The following AHCY variants were observed in gnomAD, a reference collection of about 807,000 sequenced individuals.
AHCY encodes S-adenosyl-L-homocysteine hydrolase.
AHCY carries 24 observed loss-of-function variants against 45.4 expected under a neutral mutation model. That is an observed-to-expected ratio of 0.53 (90% CI 0.38 to 0.74). AHCY has a LOEUF of 0.74. Ranked by LOEUF, AHCY falls within the 30% of genes least tolerant of loss-of-function variation. The pLI is 0.00. For missense variants in AHCY, 449 were observed against 594.1 expected (o/e 0.76, Z 2.54); for synonymous variants, 245 against 235.1 (o/e 1.04, Z -0.39).
chr20:34,263,660 T>C, the AHCY span, among the ~76,000 whole-genome samples: 1 of 147,142 alleles, frequency 6.8e-6, no homozygotes, highest in South Asian at 2.2e-4. Flanking sequence ...TTATTTTATG[T>C]CTTTTTTTTT....
At chr20:34,285,935 C>A in intron 8 of AHCY, 1 of 364,760 alleles carries the variant, frequency 2.7e-6, no homozygotes, top group Non-Finnish European at 5.2e-6. Flanking sequence ...CCCGTCTCTA[C>A]TAAAAAAAAA....
intron 8 of AHCY, 84 bp from the exon 9 acceptor site, chr20:34,285,718 C>A (rs2036158609): frequency 6.8e-7 from 1 of 1,478,922 alleles, no homozygotes; most frequent in Admixed American, 1.8e-5. Flanking sequence ...CTCTCTGCCT[C>A]CAACAGTGCC....
At chr20:34,261,463 G>A in the AHCY span, among the ~76,000 whole-genome samples, 66 of 152,148 alleles carry the variant, frequency 4.3e-4, 1 homozygote, top group African/African-American at 7.0e-4. Context: ...GTGAAACCCC[G>A]TCCCTATTAA....
chr20:34,273,412 C>G, the AHCY span, among the ~76,000 whole-genome samples: 1 of 152,282 alleles, frequency 6.6e-6, no homozygotes, highest in South Asian at 2.1e-4. Context: ...TCAAAAGTGA[C>G]TTGTTCAGGC....
At chr20:34,294,297 G>T in intron 2 of AHCY, 141 bp from the exon 3 acceptor site, 1 of 814,014 alleles carries the variant, frequency 1.2e-6, no homozygotes. Context: ...TCACAGGCTG[G>T]GGATGCTGGG....
chr20:34,251,275 C>CTT, the AHCY span, among the ~76,000 whole-genome samples: 339 of 146,732 alleles, frequency 2.3e-3, 6 homozygotes, highest in African/African-American at 8.0e-3. Flanking sequence ...CTCTGTGTAA[C>CTT]TTTTTTTTTT....
At chr20:34,242,595 C>T in the AHCY span, among the ~76,000 whole-genome samples, 1 of 152,232 alleles carries the variant, frequency 6.6e-6, no homozygotes, top group African/African-American at 2.4e-5. Flanking sequence ...AAAAAACAAA[C>T]AAACAACAAA....
chr20:34,235,557 A>G, the AHCY span, among the ~76,000 whole-genome samples: 1 of 152,148 alleles, frequency 6.6e-6, no homozygotes, highest in Non-Finnish European at 1.5e-5. Flanking sequence ...AAGACCAGGC[A>G]ACAGAAGTAT....
At chr20:34,254,034 G>C in the AHCY span, among the ~76,000 whole-genome samples, 2 of 152,046 alleles carry the variant, frequency 1.3e-5, no homozygotes, top group African/African-American at 4.8e-5. Flanking sequence ...ATTGCTGTCA[G>C]CATTATTGTC....
chr20:34,290,877 G>A lies in AHCY; in HGVS notation c.620C>T (p.Thr207Ile), dbSNP rs1213046270. ...TACCTTGCCGGCAATCATCACATCT[G>A]TGGCCCGCTTGATGCCATCTATGAG... The part of the protein sequence containing the change: ...ESLIDGIKRA[T>I]DVMIAGKVAV... The change falls in exon 6 of 10, where the codon ACA becomes ATA. Residue 207 changes from threonine (T) to isoleucine (I), a missense_variant. By Grantham distance (89) the Thr-to-Ile change is moderately conservative. Coordinates refer to ENST00000217426, the MANE Select transcript of AHCY (RefSeq NM_000687.4). The surrounding 1 kb of genome is among the most constrained non-coding windows in gnomAD (Gnocchi z 4.5). 6.2e-7 allele frequency: 1 copy of A among 1,614,150 alleles called. No individual in the cohort carries two copies. The highest frequency in any genetic ancestry group is 1.1e-5 in the South Asian group (1 of 91,076).
At chr20:34,278,155 G>C (rs2035924980), downstream of AHCY, among the ~76,000 whole-genome samples, 1 of 152,208 alleles carries the variant, frequency 6.6e-6, no homozygotes, top group Non-Finnish European at 1.5e-5. Context: ...TCACACATGT[G>C]ACAGATTAGC....
At chr20:34,293,171 C>A (rs2036458005) in intron 3 of AHCY, among the ~76,000 whole-genome samples, 1 of 152,148 alleles carries the variant, frequency 6.6e-6, no homozygotes, top group African/African-American at 2.4e-5. Context: ...ATTATCATCA[C>A]TTACAGATGC....
chr20:34,304,597 G>A (rs146187778), upstream of AHCY, among the ~76,000 whole-genome samples: 2,710 of 150,914 alleles, frequency 0.018, 92 homozygotes, highest in African/African-American at 0.063. Flanking sequence ...TAGGCTCGCT[G>A]CAACCTCCAC....
At chr20:34,241,360 A>C in the AHCY span, 1 of 767,564 alleles carries the variant, frequency 1.3e-6, no homozygotes, top group African/African-American at 1.9e-5. Context: ...GAAGTTTGAA[A>C]TAATTTTGTA....
the AHCY span, among the ~76,000 whole-genome samples, chr20:34,253,397 C>T: frequency 8.6e-5 from 13 of 151,410 alleles, no homozygotes; most frequent in East Asian, 1.2e-3. Flanking sequence ...TGAGCCACCG[C>T]GCCCAGCCTG....
chr20:34,257,064 C>CTCTTTTTTTTTTTTT, the AHCY span, among the ~76,000 whole-genome samples: 1 of 125,604 alleles, frequency 8.0e-6, no homozygotes, highest in Admixed American at 8.8e-5. Flanking sequence ...CTCTCTCTTT[C>CTCTTTTTTTTTTTTT]TTTCTCTTTT....
chr20:34,265,108 A>G, the AHCY span, among the ~76,000 whole-genome samples: 1 of 152,194 alleles, frequency 6.6e-6, no homozygotes, highest in African/African-American at 2.4e-5. Flanking sequence ...TTACTTGATT[A>G]TAAGAGTACA....
At chr20:34,247,614 G>T in the AHCY span, among the ~76,000 whole-genome samples, 1 of 151,118 alleles carries the variant, frequency 6.6e-6, no homozygotes, top group Non-Finnish European at 1.5e-5. Flanking sequence ...TTTCTTATAT[G>T]ACTTTTTTTT....
At chr20:34,279,412 G>A (rs2035944089), downstream of AHCY, among the ~76,000 whole-genome samples, 1 of 148,992 alleles carries the variant, frequency 6.7e-6, no homozygotes, top group Non-Finnish European at 1.5e-5. Flanking sequence ...AACAGAGCGA[G>A]ACTGTCTAGA....
Sources: gnomAD v4.1 joint callset for allele counts (sites outside exome capture counted in the v4.1 genomes callset) on GRCh38, gnomAD v4.1.1 for gene constraint, Gnocchi (gnomAD v3.1) non-coding constraint, MANE v1.5 for transcripts, NCBI Gene and HGNC (gene_info 2026-07-23, HGNC 2026-07-21) for gene names.